The following CD248 variants were observed in gnomAD, a reference collection of about 807,000 sequenced individuals.
The protein encoded by CD248 is CD248 molecule.
CD248 carries 7 observed loss-of-function variants against 8.0 expected under a neutral mutation model. The observed-to-expected ratio is 0.88, with a 90% confidence interval of 0.50 to 1.64. The LOEUF (loss-of-function observed/expected upper bound fraction) is 1.64, where lower values mean the gene tolerates loss of function less well. Ranked by LOEUF, CD248 falls within the 40% of genes most tolerant of loss-of-function variation. CD248 has a pLI of 0.00. For missense variants in CD248, 912 were observed against 1,027.2 expected (o/e 0.89, Z 1.53); for synonymous variants, 418 against 437.1 (o/e 0.96, Z 0.54).
chr11:66,315,098 G>C lies in CD248; in HGVS notation c.1930C>G (p.Gln644Glu). The change falls in exon 1 of 1, where the codon CAA (glutamine) becomes GAA (glutamate). Residue 644 changes from glutamine to glutamate, a missense_variant. Physicochemically the swap from Gln to Glu is conservative, Grantham distance 29. Around this residue, in one of 3 missense-constraint regions of CD248, gnomAD observed 507 missense variants for 562.2 expected, o/e 0.90. Transcript: ENST00000311330. This position sits in a 1 kb window ranked among gnomAD's most constrained non-coding sequence, Gnocchi z 4.3. Reference sequence around the variant, plus strand: ...CTGGGGCCATCTTCCCTTGGGATTTGGGGGGCTTTGGAATGGGGATGTGTA... The same window carrying C: ...CTGGGGCCATCTTCCCTTGGGATTTCGGGGGCTTTGGAATGGGGATGTGTA... ...SPTHPHSKAP[Q>E]IPREDGPSPK... is the part of the protein sequence containing the mutation. 2 of 1,557,048 alleles carry C rather than the reference G, an allele frequency of 1.3e-6. No individual in the cohort carries two copies. The highest frequency in any genetic ancestry group is 1.7e-6 in the Non-Finnish European group (2 of 1,150,610).
rs1286501110 is a variant in CD248, at chr11:66,316,864, C to G, written c.164G>C (p.Gly55Ala). The G allele has an allele frequency of 1.3e-6, 2 of 1,548,672 alleles. No individual in the cohort carries two copies. The highest frequency in any genetic ancestry group is 1.7e-6 in the Non-Finnish European group (2 of 1,155,238). ...LEAWRACREL[G>A]GDLATPRTPE... ...GGTCCGAGGAGTGGCCAGGTCGCCC[C>G]CCAGCTCGCGGCAGGCCCGCCAGGC... Residue 55 changes from glycine to alanine, a missense_variant, in exon 1 of 1, where the codon GGG becomes GCG. Transcript: ENST00000311330.
Position 66,315,349 on chromosome 11 carries a change from G to A in CD248, c.1679C>T (p.Thr560Ile), listed in dbSNP as rs368464396. ...TTGAGGGGGTAGCTGGGCACCGAGG[G>A]TGGTGACCAGAGGGGCATGGTTAGG... ...IPPNHAPLVT[T>I]LGAQLPPQAP... The change falls in exon 1 of 1, where the codon ACC (threonine) becomes ATC (isoleucine). Residue 560 changes from threonine to isoleucine, a missense_variant. By Grantham distance (89) the Thr-to-Ile change is moderately conservative (BLOSUM62 -1). Coordinates refer to ENST00000311330, the MANE Select transcript of CD248 (RefSeq NM_020404.3). This position sits in a 1 kb window ranked among gnomAD's most constrained non-coding sequence, Gnocchi z 4.3. 7 of 1,590,678 alleles carry A rather than the reference G, an allele frequency of 4.4e-6. No homozygotes were observed. The highest frequency in any genetic ancestry group is 4.3e-6 in the Non-Finnish European group (5 of 1,166,176).
In CD248 at chr11:66,315,817, G is replaced by A. The variant is rs1372373954; in HGVS notation, c.1211C>T (p.Pro404Leu). ...GILWMEPTQP[P>L]DFALAYRPSF... ...CGGTCTATAGGCCAGGGCAAAGTCA[G>A]GCGGCTGCGTAGGCTCCATCCACAG... Residue 404 changes from proline (P) to leucine (L), a missense_variant, in exon 1 of 1, where the codon CCT becomes CTT. Physicochemically the swap from Pro to Leu is moderately conservative, Grantham distance 98. This residue lies in a region of CD248 where 507 missense variants were observed against 562.2 expected (regional missense o/e 0.90). Coordinates refer to ENST00000311330, the MANE Select transcript of CD248 (RefSeq NM_020404.3). The surrounding 1 kb of genome is among the most constrained non-coding windows in gnomAD (Gnocchi z 4.3). The A allele has an allele frequency of 6.2e-7, 1 of 1,613,984 alleles. No individual in the cohort carries two copies. The highest frequency in any genetic ancestry group is 8.5e-7 in the Non-Finnish European group (1 of 1,179,986).
At position 66,316,862 on chromosome 11, in the gene CD248, C is replaced by T; in HGVS notation, c.166G>A (p.Gly56Ser). The T allele has an allele frequency of 6.5e-7, 1 of 1,548,806 alleles. No individual in the cohort carries two copies. The highest frequency in any genetic ancestry group is 8.7e-7 in the Non-Finnish European group (1 of 1,155,200). ...EAWRACRELG[G>S]DLATPRTPEE... is the part of the protein sequence containing the mutation. ...GGGGTCCGAGGAGTGGCCAGGTCGC[C>T]CCCCAGCTCGCGGCAGGCCCGCCAG... Residue 56 changes from glycine (G) to serine (S), a missense_variant, in exon 1 of 1, where the codon GGC (glycine) becomes AGC (serine). By Grantham distance (56) the Gly-to-Ser change is moderately conservative. Around this residue, in one of 3 missense-constraint regions of CD248, gnomAD observed 403 missense variants for 446.2 expected, o/e 0.90. Transcript: ENST00000311330.
chr11:66,314,662 A>C lies in CD248; in HGVS notation c.*92T>G. On this transcript the variant is annotated 3_prime_UTR_variant, in exon 1 of 1. Transcript: ENST00000311330. The surrounding 1 kb of genome is among the most constrained non-coding windows in gnomAD (Gnocchi z 4.0). ...GGCTGGGCCTGGGGAGCAGGAAGCCATCTGTCCAGCTGGGCAGCCCCCATG... is the reference window on the plus strand; with the variant it reads ...GGCTGGGCCTGGGGAGCAGGAAGCCCTCTGTCCAGCTGGGCAGCCCCCATG... 1.8e-6 allele frequency: 2 copies of C among 1,096,472 alleles called. No homozygotes were observed. The highest frequency in any genetic ancestry group is 2.6e-6 in the Non-Finnish European group (2 of 776,636). The allele number at this position is 1,096,472 out of a possible 1,614,324, so 67.9% of individuals were successfully genotyped here.
At position 66,316,788 on chromosome 11, in the gene CD248, G is replaced by C; in HGVS notation, c.240C>G (p.Ser80Arg). The stretch of plus-strand genomic sequence containing the variant: ...GCTGCAGCCCGATCCACAGCAGCCG[G>C]CTGGCTGGGCCCGCACCCACCAGGC... ...VDSLVGAGPA[S>R]RLLWIGLQRQ... Residue 80 changes from serine to arginine, a missense_variant, in exon 1 of 1, where the codon AGC becomes AGG. Ser to Arg is a moderately radical substitution (Grantham distance 110). Transcript: ENST00000311330. 1 of 1,593,882 alleles carries C rather than the reference G, an allele frequency of 6.3e-7. No individual in the cohort carries two copies. The highest frequency in any genetic ancestry group is 8.5e-7 in the Non-Finnish European group (1 of 1,177,522).
In CD248 at chr11:66,316,535, G is replaced by C; in HGVS notation, c.493C>G (p.Pro165Ala). The change falls in exon 1 of 1, where the codon CCG becomes GCG. Residue 165 changes from proline to alanine, a missense_variant. This residue lies in a region of CD248 where 403 missense variants were observed against 446.2 expected (regional missense o/e 0.90). Coordinates refer to ENST00000311330, the MANE Select transcript of CD248 (RefSeq NM_020404.3). ...LCQFGFEGAC[P>A]ALQDEAGQAG... ...TGGCCCGCCTCATCTTGCAGCGCCG[G>C]GCAGGCGCCCTCGAAGCCAAACTGG... 1 of 1,599,340 alleles carries C rather than the reference G, an allele frequency of 6.3e-7. No individual in the cohort carries two copies. The highest frequency in any genetic ancestry group is 8.5e-7 in the Non-Finnish European group (1 of 1,179,346).
rs765446635 is a variant in CD248, at chr11:66,315,829, G to C, written c.1199C>G (p.Pro400Arg). ...CAGGGCAAAGTCAGGCGGCTGCGTAGGCTCCATCCACAGGATCCCAGGCAT... is the reference window on the plus strand; with the variant it reads ...CAGGGCAAAGTCAGGCGGCTGCGTACGCTCCATCCACAGGATCCCAGGCAT... ...TEMPGILWME[P>R]TQPPDFALAY... The change falls in exon 1 of 1, where the codon CCT (proline) becomes CGT (arginine). Residue 400 changes from proline to arginine, a missense_variant. By Grantham distance (103) the Pro-to-Arg change is moderately radical. This residue lies in a region of CD248 where 507 missense variants were observed against 562.2 expected (regional missense o/e 0.90). Transcript: ENST00000311330. The surrounding 1 kb of genome is among the most constrained non-coding windows in gnomAD (Gnocchi z 4.3). The C allele has an allele frequency of 3.7e-6, 6 of 1,613,974 alleles. No homozygotes were observed. The East Asian group carries it at 1.3e-4, about 36-fold the overall frequency.
rs978464188 is a variant in CD248, at chr11:66,315,897, A to C, written c.1131T>G (p.Asp377Glu). The change falls in exon 1 of 1, where the codon GAT becomes GAG. Residue 377 changes from aspartate to glutamate, a missense_variant. By Grantham distance (45) the Asp-to-Glu change is conservative. Around this residue, in one of 3 missense-constraint regions of CD248, gnomAD observed 507 missense variants for 562.2 expected, o/e 0.90. Coordinates refer to ENST00000311330, the MANE Select transcript of CD248 (RefSeq NM_020404.3). This position sits in a 1 kb window ranked among gnomAD's most constrained non-coding sequence, Gnocchi z 4.3. ...ELLDDGEDEE[D>E]EDEAWKAFNG... Reference sequence around the variant, plus strand: ...TGAAGGCCTTCCAGGCCTCGTCTTCATCTTCCTCATCCTCCCCGTCATCCA... The same window carrying C: ...TGAAGGCCTTCCAGGCCTCGTCTTCCTCTTCCTCATCCTCCCCGTCATCCA... The C allele has an allele frequency of 6.2e-7, 1 of 1,613,618 alleles. No homozygotes were observed. Among genetic ancestry groups the C allele is most frequent in the Non-Finnish European group, 8.5e-7 (1 of 1,180,008 alleles).
Position 66,314,579 on chromosome 11 carries a change from C to T in CD248, c.*175G>A, listed in dbSNP as rs188495716. 42 of 605,598 alleles carry T rather than the reference C, an allele frequency of 6.9e-5. No homozygotes were observed. The East Asian group carries it at 1.0e-3, about 15-fold the overall frequency. The allele number at this position is 605,598 out of a possible 1,614,324, so 37.5% of individuals were successfully genotyped here. On this transcript the variant is annotated 3_prime_UTR_variant, in exon 1 of 1. Transcript: ENST00000311330. This position sits in a 1 kb window ranked among gnomAD's most constrained non-coding sequence, Gnocchi z 4.0. ...GCTTTGGTGTATCCTTGGTCACGAG[C>T]GCTGGGCCAGGAAGCAGAGTTCCTG...
Position 66,316,863 on chromosome 11 carries a change from C to T in CD248, c.165G>A (p.Gly55=). The T allele has an allele frequency of 6.5e-7, 1 of 1,548,194 alleles. No individual in the cohort carries two copies. Among genetic ancestry groups the T allele is most frequent in the Non-Finnish European group, 8.7e-7 (1 of 1,154,936 alleles). The change falls in exon 1 of 1, where the codon GGG becomes GGA. Residue 55 remains glycine (G), a synonymous_variant. Coordinates refer to ENST00000311330, the MANE Select transcript of CD248 (RefSeq NM_020404.3). The part of the protein sequence containing the change: ...LEAWRACREL[G]GDLATPRTPE... ...GGGTCCGAGGAGTGGCCAGGTCGCC[C>T]CCCAGCTCGCGGCAGGCCCGCCAGG...
rs781731092 is a variant in CD248 at position 66,316,844 on chromosome 11, G to T, written c.184C>A (p.Arg62=). 1 of 1,559,614 alleles carries T rather than the reference G, an allele frequency of 6.4e-7. No individual in the cohort carries two copies. The highest frequency in any genetic ancestry group is 2.3e-5 in the East Asian group (1 of 43,174). Residue 62 remains arginine, a synonymous_variant, in exon 1 of 1, where the codon CGG becomes AGG. Coordinates refer to ENST00000311330, the MANE Select transcript of CD248 (RefSeq NM_020404.3). ...RELGGDLATP[R]TPEEAQRVDS... The stretch of plus-strand genomic sequence containing the variant: ...ACACGCTGGGCCTCCTCGGGGGTCC[G>T]AGGAGTGGCCAGGTCGCCCCCCAGC...
rs1854537578 is a variant in CD248 at position 66,315,645 on chromosome 11, A to G, written c.1383T>C (p.Pro461=). 1 of 1,613,952 alleles carries G rather than the reference A, an allele frequency of 6.2e-7. No homozygotes were observed. The highest frequency in any genetic ancestry group is 1.3e-5 in the African/African-American group (1 of 74,982). The stretch of plus-strand genomic sequence containing the variant: ...GGATCACAGGAGGCTGGTGGGCAGA[A>G]GGCAGTGTGGGATGCGTGGCAGAGA... The part of the protein sequence containing the change: ...VVVSATHPTL[P]SAHQPPVIPA... Residue 461 remains proline, a synonymous_variant, in exon 1 of 1, where the codon CCT becomes CCC. Coordinates refer to ENST00000311330, the MANE Select transcript of CD248 (RefSeq NM_020404.3). This position sits in a 1 kb window ranked among gnomAD's most constrained non-coding sequence, Gnocchi z 4.3.
In CD248 at chr11:66,315,806, G is replaced by A. The variant is rs1854540451; in HGVS notation, c.1222C>T (p.Leu408=). 4 of 1,613,846 alleles carry A rather than the reference G, an allele frequency of 2.5e-6. No individual in the cohort carries two copies. The highest frequency in any genetic ancestry group is 1.7e-5 in the Admixed American group (1 of 60,000). The part of the protein sequence containing the change: ...MEPTQPPDFA[L]AYRPSFPEDR... ...TCTGGGAAGCTCGGTCTATAGGCCA[G>A]GGCAAAGTCAGGCGGCTGCGTAGGC... The change falls in exon 1 of 1, where the codon CTG becomes TTG. Residue 408 remains leucine, a synonymous_variant. Coordinates refer to ENST00000311330, the MANE Select transcript of CD248 (RefSeq NM_020404.3). The surrounding 1 kb of genome is among the most constrained non-coding windows in gnomAD (Gnocchi z 4.3).
rs1247579808 is a variant in CD248, at chr11:66,314,573, C to T, written c.*181G>A. 7 of 598,340 alleles carry T rather than the reference C, an allele frequency of 1.2e-5. No individual in the cohort carries two copies. Among genetic ancestry groups the T allele is most frequent in the Non-Finnish European group, 2.1e-5 (7 of 340,074 alleles). 37.1% of individuals were successfully genotyped at this position (598,340 alleles called of 1,614,324 possible). On this transcript the variant is annotated 3_prime_UTR_variant, in exon 1 of 1. Coordinates refer to ENST00000311330, the MANE Select transcript of CD248 (RefSeq NM_020404.3). This position sits in a 1 kb window ranked among gnomAD's most constrained non-coding sequence, Gnocchi z 4.0. The stretch of plus-strand genomic sequence containing the variant: ...TTAAGGGCTTTGGTGTATCCTTGGT[C>T]ACGAGCGCTGGGCCAGGAAGCAGAG...
Position 66,315,186 on chromosome 11 carries a change from G to A in CD248, c.1842C>T (p.Pro614=), listed in dbSNP as rs767087914. The change falls in exon 1 of 1, where the codon CCC becomes CCT. Residue 614 remains proline (P), a synonymous_variant. Transcript: ENST00000311330. This position sits in a 1 kb window ranked among gnomAD's most constrained non-coding sequence, Gnocchi z 4.3. ...HQISVPAATQ[P]AALPTLLPSQ... is the part of the protein sequence containing the mutation. The stretch of plus-strand genomic sequence containing the variant: ...AGGGCAGGAGGGTGGGGAGGGCTGC[G>A]GGCTGGGTGGCAGCAGGCACAGAGA... The A allele has an allele frequency of 3.9e-6, 6 of 1,527,446 alleles. No individual in the cohort carries two copies. The highest frequency in any genetic ancestry group is 1.4e-5 in the African/African-American group (1 of 71,872). 94.6% of individuals were successfully genotyped at this position (1,527,446 alleles called of 1,614,324 possible).
chr11:66,314,828 T>C lies in CD248; in HGVS notation c.2200A>G (p.Ser734Gly). 1 of 1,579,752 alleles carries C rather than the reference T, an allele frequency of 6.3e-7. No homozygotes were observed. Among genetic ancestry groups the C allele is most frequent in the Non-Finnish European group, 8.6e-7 (1 of 1,163,164 alleles). ...DCYRWVIHAGSKSPTEPMPPR... is the reference protein window; with the variant it reads ...DCYRWVIHAGGKSPTEPMPPR... ...GGCATGGGTTCTGTTGGGCTCTTGC[T>C]CCCAGCATGGATGACCCAGCGATAG... is the stretch of plus-strand genomic sequence containing the variant. The change falls in exon 1 of 1, where the codon AGC (serine) becomes GGC (glycine). Residue 734 changes from serine (S) to glycine (G), a missense_variant. Around this residue, in one of 3 missense-constraint regions of CD248, gnomAD observed 507 missense variants for 562.2 expected, o/e 0.90. Coordinates refer to ENST00000311330, the MANE Select transcript of CD248 (RefSeq NM_020404.3). This position sits in a 1 kb window ranked among gnomAD's most constrained non-coding sequence, Gnocchi z 4.0.
rs747240829 is a variant in CD248, at chr11:66,315,297, G to C, written c.1731C>G (p.Thr577=). The C allele has an allele frequency of 6.5e-7, 1 of 1,549,358 alleles. No individual in the cohort carries two copies. Among genetic ancestry groups the C allele is most frequent in the East Asian group, 2.3e-5 (1 of 44,358 alleles). Residue 577 remains threonine (T), a synonymous_variant, in exon 1 of 1, where the codon ACC becomes ACG. Transcript: ENST00000311330. This position sits in a 1 kb window ranked among gnomAD's most constrained non-coding sequence, Gnocchi z 4.3. ...GGATAATGGGAAGCTGGGTGGCCTG[G>C]GTTCTGAGGACAAGGGCATCTGGGG... ...PQAPDALVLR[T]QATQLPIIPT...
Position 66,316,355 on chromosome 11 carries a change from G to C in CD248, c.673C>G (p.Arg225Gly). The change falls in exon 1 of 1, where the codon CGG becomes GGG. Residue 225 changes from arginine to glycine, a missense_variant. Physicochemically the swap from Arg to Gly is moderately radical, Grantham distance 125. Around this residue, in one of 3 missense-constraint regions of CD248, gnomAD observed 403 missense variants for 446.2 expected, o/e 0.90. Transcript: ENST00000311330. Reference protein sequence around the residue: ...KQPEGGVGWSRAGPLCLGTGC... With the variant: ...KQPEGGVGWSGAGPLCLGTGC... ...GTCCCCAGGCACAGGGGCCCAGCCC[G>C]TGACCAGCCCACACCTCCCTCAGGC... 1 of 1,612,428 alleles carries C rather than the reference G, an allele frequency of 6.2e-7. No individual in the cohort carries two copies. The highest frequency in any genetic ancestry group is 8.5e-7 in the Non-Finnish European group (1 of 1,179,926).
Sources: gnomAD v4.1 joint callset for allele counts on GRCh38, gnomAD v4.1.1 for gene constraint, gnomAD v4.1.1 regional missense constraint, Gnocchi (gnomAD v3.1) non-coding constraint, MANE v1.5 for transcripts, NCBI Gene and HGNC (gene_info 2026-07-23, HGNC 2026-07-21) for gene names.